The following DCTN4 variants were observed in gnomAD, a reference collection of about 807,000 sequenced individuals.
The protein encoded by DCTN4 is dynactin subunit 4.
DCTN4 carries 23 observed loss-of-function variants against 62.7 expected under a neutral mutation model. The ratio of observed to expected loss-of-function variants is 0.37; its 90% CI spans 0.26 to 0.52. The LOEUF (loss-of-function observed/expected upper bound fraction) is 0.52, where lower values mean the gene tolerates loss of function less well. DCTN4 is among the 20% of genes least tolerant of loss of function. DCTN4 has a pLI of 0.92. For missense variants in DCTN4, 514 were observed against 580.4 expected, an observed-to-expected ratio of 0.89 and a Z score of 1.18; for synonymous variants, 199 against 202.1, an observed-to-expected ratio of 0.98 and a Z score of 0.13.
intron 8 of DCTN4, among the ~76,000 whole-genome samples, chr5:150,726,001 C>T (rs1014404248): frequency 5.3e-5 from 8 of 152,060 alleles, no homozygotes; most frequent in Admixed American, 4.6e-4. Flanking sequence ...CTCCTGGGTA[C>T]AACCAATTCT....
chr5:150,710,602 T>G lies in DCTN4; in HGVS notation c.*547A>C, dbSNP rs74600056. On this transcript the variant is annotated 3_prime_UTR_variant, in exon 13 of 13. Transcript: ENST00000447998. The stretch of plus-strand genomic sequence containing the variant: ...CATGATACTAAAGATAAAGTGACAA[T>G]TCAGTTTTTCAGTTATATGGAAATC... 0.054 allele frequency: 8,301 copies of G among 154,588 alleles called. 316 individuals are homozygous for G. The highest frequency in any genetic ancestry group is 0.12 in the South Asian group (612 of 4,972). 9.6% of individuals were successfully genotyped at this position (154,588 alleles called of 1,614,324 possible). A position where few individuals can be genotyped will look rare whatever the true frequency, so the allele number is the denominator to read the frequency against.
intron 8 of DCTN4, among the ~76,000 whole-genome samples, chr5:150,727,118 T>C (rs572503153): frequency 9.9e-5 from 15 of 152,148 alleles, no homozygotes; most frequent in African/African-American, 3.6e-4. Context: ...CTAAGTGAAT[T>C]GTACTGCAGC....
At chr5:150,745,239 A>C (rs1760917226) in intron 3 of DCTN4, among the ~76,000 whole-genome samples, 1 of 150,378 alleles carries the variant, frequency 6.6e-6, no homozygotes, top group South Asian at 2.1e-4. Flanking sequence ...AAGAAGCGCT[A>C]ACTATCCTAA....
chr5:150,715,458 C>T (rs1173656791), intron 12 of DCTN4, 107 bp downstream of exon 12: 2 of 769,624 alleles, frequency 2.6e-6, no homozygotes, highest in South Asian at 2.0e-5. Context: ...TTTTTAGAAA[C>T]AGGAAGAAAA....
chr5:150,728,031 A>T (rs1458339939), intron 8 of DCTN4, among the ~76,000 whole-genome samples: 1 of 152,126 alleles, frequency 6.6e-6, no homozygotes, highest in Non-Finnish European at 1.5e-5. Context: ...TAATGATAAA[A>T]TTCTATAAAT....
At chr5:150,747,015 G>A (rs1041989729) in intron 3 of DCTN4, among the ~76,000 whole-genome samples, 22 of 152,070 alleles carry the variant, frequency 1.4e-4, no homozygotes, top group African/African-American at 5.3e-4. Context: ...GTTTGCAGAT[G>A]ACATGATTGT....
intron 8 of DCTN4, among the ~76,000 whole-genome samples, chr5:150,730,069 C>G (rs2113048975): frequency 6.6e-6 from 1 of 152,338 alleles, no homozygotes; most frequent in South Asian, 2.1e-4. Context: ...GCTGCACTAT[C>G]ACATTTCATG....
At position 150,709,031 on chromosome 5, in the gene DCTN4, T is replaced by C. The variant is rs1335587329; in HGVS notation, c.*2118A>G. On this transcript the variant is annotated 3_prime_UTR_variant, in exon 13 of 13. Coordinates refer to ENST00000447998, the MANE Select transcript of DCTN4 (RefSeq NM_016221.4). ...GATCTAACTTTCCTGTGGTGGTGCATACTGACTAGCATTAAAATTTTTGCA... is the reference window on the plus strand; with the variant it reads ...GATCTAACTTTCCTGTGGTGGTGCACACTGACTAGCATTAAAATTTTTGCA... 6.5e-6 allele frequency: 1 copy of C among 152,788 alleles called. No homozygotes were observed. The highest frequency in any genetic ancestry group is 1.5e-5 in the Non-Finnish European group (1 of 68,038). 9.5% of individuals were successfully genotyped at this position (152,788 alleles called of 1,614,324 possible). A position where few individuals can be genotyped will look rare whatever the true frequency, so the allele number is the denominator to read the frequency against.
At chr5:150,724,019 G>A (rs1380448693) in intron 8 of DCTN4, among the ~76,000 whole-genome samples, 1 of 152,112 alleles carries the variant, frequency 6.6e-6, no homozygotes, top group Non-Finnish European at 1.5e-5. Flanking sequence ...GAGTGTTCTT[G>A]TACATGAATC....
At position 150,720,536 on chromosome 5, in the gene DCTN4, C is replaced by T. The variant is rs550129542; in HGVS notation, c.909-766G>A. Among the ~76,000 whole-genome samples, 11 of 149,206 alleles carry T rather than the reference C, an allele frequency of 7.4e-5. 1 individual carries two copies. In the South Asian group the frequency reaches 1.9e-3, roughly 26 times the overall value. On this transcript the variant is annotated intron_variant, in intron 9 of 12. Coordinates refer to ENST00000447998, the MANE Select transcript of DCTN4 (RefSeq NM_016221.4). ...TGCTGTCACCCAGGCTGGAGTGTAA[C>T]GGCACAATCATGACTCACTGAAGCC... is the stretch of plus-strand genomic sequence containing the variant.
intron 11 of DCTN4, among the ~76,000 whole-genome samples, chr5:150,717,524 A>G (rs1759810055): frequency 1.3e-5 from 2 of 152,264 alleles, no homozygotes; most frequent in South Asian, 2.1e-4. Flanking sequence ...CTAGGATTAC[A>G]GGCGTGAGCC....
Position 150,730,007 on chromosome 5 carries a change from A to G in DCTN4, c.834+624T>C, listed in dbSNP as rs540780419. 5.3e-5 allele frequency among the ~76,000 whole-genome samples: 8 copies of G among 152,296 alleles called. No individual in the cohort carries two copies. The South Asian group carries it at 1.5e-3, about 28-fold the overall frequency. On this transcript the variant is annotated intron_variant, in intron 8 of 12. Transcript: ENST00000447998. Reference sequence around the variant, plus strand: ...AGAGAATGATTAAGTAACATTAGCCACTAGCGACATGTGGTTATTTAAATG... The same window carrying G: ...AGAGAATGATTAAGTAACATTAGCCGCTAGCGACATGTGGTTATTTAAATG...
intron 5 of DCTN4, chr5:150,731,844 T>C: frequency 1.9e-6 from 3 of 1,542,212 alleles, no homozygotes; most frequent in Non-Finnish European, 2.6e-6. Context: ...GGTCATCTGC[T>C]AACTTCTTCA....
At chr5:150,730,042 A>G (rs1760302451) in intron 8 of DCTN4, among the ~76,000 whole-genome samples, 1 of 152,192 alleles carries the variant, frequency 6.6e-6, no homozygotes. Flanking sequence ...GAAATTAAAG[A>G]CTGACTCAGT....
At chr5:150,731,540 A>G in intron 5 of DCTN4, 51 bp from the exon 6 acceptor site, 1 of 1,433,968 alleles carries the variant, frequency 7.0e-7, no homozygotes, top group Non-Finnish European at 9.6e-7. Flanking sequence ...TACACACCCT[A>G]TTTATCAAAA....
At chr5:150,758,769 G>C in intron 1 of DCTN4, 90 bp downstream of exon 1, 1 of 1,545,666 alleles carries the variant, frequency 6.5e-7, no homozygotes, top group Non-Finnish European at 8.8e-7. Flanking sequence ...AGTAAGGAAG[G>C]AAAATAGCTC....
chr5:150,733,316 C>A, intron 5 of DCTN4, 52 bp downstream of exon 5: 1 of 1,299,946 alleles, frequency 7.7e-7, no homozygotes, highest in Non-Finnish European at 1.1e-6. Context: ...GAAATGATCA[C>A]TGTTCTTAGG....
At chr5:150,715,361 CT>C (rs1759715464) in intron 12 of DCTN4, among the ~76,000 whole-genome samples, 1 of 152,130 alleles carries the variant, frequency 6.6e-6, no homozygotes, top group Non-Finnish European at 1.5e-5. Flanking sequence ...TGCCAAAATG[CT>C]AATGGTGTTT....
chr5:150,730,889 AAAC>A, intron 7 of DCTN4, 149 bp from the exon 8 acceptor site: 1 of 812,896 alleles, frequency 1.2e-6, no homozygotes, highest in Non-Finnish European at 2.0e-6. Context: ...TTTAGATTTC[AAAC>A]AATTACCTCT....
Sources: gnomAD v4.1 joint callset for allele counts (sites outside exome capture counted in the v4.1 genomes callset) on GRCh38, gnomAD v4.1.1 for gene constraint, MANE v1.5 for transcripts, NCBI Gene and HGNC (gene_info 2026-07-23, HGNC 2026-07-21) for gene names.